The following LRBA variants were observed in gnomAD, a reference collection of about 807,000 sequenced individuals.
The protein encoded by LRBA is lipopolysaccharide-responsive and beige-like anchor protein.
In LRBA, 176 loss-of-function variants were observed where a neutral mutation model predicts 330.0. That is an observed-to-expected ratio of 0.53 (90% CI 0.47 to 0.60). The LOEUF is 0.60. Among genes scored for constraint, LRBA ranks in the 20% least tolerant of loss-of-function variants. The pLI, the probability that LRBA is intolerant of heterozygous loss-of-function variation, is 0.00. For missense variants in LRBA, 3,259 were observed against 3,444.8 expected (o/e 0.95, Z 1.35); for synonymous variants, 1,230 against 1,193.0 (o/e 1.03, Z -0.64).
intron 30 of LRBA, among the ~76,000 whole-genome samples, chr4:150,819,703 C>T (rs1745143220): frequency 6.6e-6 from 1 of 152,032 alleles, no homozygotes; most frequent in Non-Finnish European, 1.5e-5. Context: ...TACAGCTGTT[C>T]CAAATATGCA....
chr4:150,423,280 G>T (rs1189277540), intron 46 of LRBA: 16 of 885,442 alleles, frequency 1.8e-5, no homozygotes, highest in Non-Finnish European at 2.6e-5. Flanking sequence ...TCCTGTAGGG[G>T]TGTCTCCCTT....
intron 30 of LRBA, among the ~76,000 whole-genome samples, chr4:150,826,868 A>T (rs1746355641): frequency 6.6e-6 from 1 of 152,206 alleles, no homozygotes; most frequent in Non-Finnish European, 1.5e-5. Flanking sequence ...TATACCACTG[A>T]GGATCACTGT....
intron 53 of LRBA, among the ~76,000 whole-genome samples, chr4:150,299,633 A>G (rs1408937185): frequency 6.6e-6 from 1 of 152,008 alleles, no homozygotes; most frequent in Non-Finnish European, 1.5e-5. Context: ...TTTACATATA[A>G]CATCAATATT....
rs1261439146 is a variant in LRBA at position 150,828,530 on chromosome 4, A to G, written c.4821T>C (p.Ile1607=). 3 of 1,613,970 alleles carry G rather than the reference A, an allele frequency of 1.9e-6. No homozygotes were observed. Among genetic ancestry groups the G allele is most frequent in the Non-Finnish European group, 2.5e-6 (3 of 1,179,986 alleles). Residue 1607 remains isoleucine, a synonymous_variant, in exon 30 of 57, where the codon ATT becomes ATC. Transcript: ENST00000651943. ...TSSARRRDSG[I]GEETATGLGS... ...CTAAACCAGTGGCTGTTTCTTCCCC[A>G]ATGCCTGAGTCCCTCCTTCGAGCAG... is the stretch of plus-strand genomic sequence containing the variant.
At chr4:150,435,021 T>C (rs190521315) in intron 46 of LRBA, among the ~76,000 whole-genome samples, 19 of 151,944 alleles carry the variant, frequency 1.3e-4, no homozygotes, top group Admixed American at 2.6e-4. Flanking sequence ...GAAGGAGAGA[T>C]TCTGATAGAG....
intron 46 of LRBA, among the ~76,000 whole-genome samples, chr4:150,422,449 GAAC>G (rs1039638122): frequency 6.6e-5 from 10 of 151,674 alleles, no homozygotes; most frequent in Non-Finnish European, 1.0e-4. Context: ...AGAAAAGGAA[GAAC>G]AACAACAACA....
At chr4:150,887,041 G>A (rs1369942349) in intron 17 of LRBA, among the ~76,000 whole-genome samples, 1 of 152,086 alleles carries the variant, frequency 6.6e-6, no homozygotes, top group Non-Finnish European at 1.5e-5. Flanking sequence ...TAACTACCCT[G>A]ATTTGAATAT....
intron 46 of LRBA, among the ~76,000 whole-genome samples, chr4:150,425,702 T>C (rs1027382000): frequency 1.6e-4 from 25 of 152,148 alleles, no homozygotes; most frequent in African/African-American, 6.0e-4. Context: ...CACTTCAATA[T>C]ATTGGGGCAA....
At position 150,346,757 on chromosome 4, in the gene LRBA, CAAAAAAAAAAAAAAAA is replaced by C. The variant is rs57119340; in HGVS notation, c.7362+3219_7362+3234del. 1.2e-4 allele frequency among the ~76,000 whole-genome samples: 8 copies of C among 66,152 alleles called. No homozygotes were observed. The South Asian group carries it at 3.2e-3, about 27-fold the overall frequency. 43.4% of individuals were successfully genotyped at this position (66,152 alleles called of 152,430 possible). ...CTGGCAACAATGTGAGACTCTGTCT[CAAAAAAAAAAAAAAAA>C]AAAAAAAAAAAAAACACTTATTTGT... On this transcript the variant is annotated intron_variant, in intron 48 of 56. Coordinates refer to ENST00000651943, the MANE Select transcript of LRBA (RefSeq NM_001364905.1).
chr4:150,805,702 G>A (rs1397263949), intron 33 of LRBA, among the ~76,000 whole-genome samples: 1 of 151,520 alleles, frequency 6.6e-6, no homozygotes, highest in Non-Finnish European at 1.5e-5. Context: ...AGGAGAAGGA[G>A]AAGGAAAGGA....
chr4:150,519,360 T>A (rs1762682987), intron 40 of LRBA, among the ~76,000 whole-genome samples: 1 of 152,160 alleles, frequency 6.6e-6, no homozygotes, highest in Non-Finnish European at 1.5e-5. Context: ...GTTGCTCACA[T>A]CTCTTCACTG....
intron 40 of LRBA, among the ~76,000 whole-genome samples, chr4:150,506,968 C>T (rs1033354069): frequency 1.3e-5 from 2 of 151,656 alleles, no homozygotes; most frequent in African/African-American, 2.4e-5. Context: ...GAGTGAACTC[C>T]CATTCACAAT....
rs569525854 is a variant in LRBA at position 150,460,152 on chromosome 4, C to T, written c.6780+7521G>A. Among the ~76,000 whole-genome samples, 13 of 151,790 alleles carry T rather than the reference C, an allele frequency of 8.6e-5. No homozygotes were observed. In the East Asian group the frequency reaches 2.5e-3, roughly 29 times the overall value. ...AAGGACTGGCATTCATCAGAAACAGCACTTAAAACTTAAAGAGATAAAGAA... is the reference window on the plus strand; with the variant it reads ...AAGGACTGGCATTCATCAGAAACAGTACTTAAAACTTAAAGAGATAAAGAA... On this transcript the variant is annotated intron_variant, in intron 44 of 56. Transcript: ENST00000651943.
intron 37 of LRBA, among the ~76,000 whole-genome samples, chr4:150,669,046 C>A (rs1781820517): frequency 6.6e-6 from 1 of 152,132 alleles, no homozygotes; most frequent in African/African-American, 2.4e-5. Context: ...GATTCTCAAT[C>A]CTGGCTGCAA....
chr4:150,693,801 T>C (rs1216529185), intron 36 of LRBA, among the ~76,000 whole-genome samples: 1 of 152,052 alleles, frequency 6.6e-6, no homozygotes, highest in Non-Finnish European at 1.5e-5. Context: ...TTTCTAAAGT[T>C]AGGTTTTCAG....
At chr4:150,808,447 G>T (rs1743123052) in intron 31 of LRBA, 49 bp from the exon 32 acceptor site, 2 of 1,031,346 alleles carry the variant, frequency 1.9e-6, no homozygotes, top group Non-Finnish European at 1.5e-6. Flanking sequence ...TTTTAGATAT[G>T]AAGATTTAAA....
chr4:150,658,559 C>G (rs1360765312), intron 37 of LRBA, among the ~76,000 whole-genome samples: 1 of 44 alleles, frequency 0.023, no homozygotes, highest in Non-Finnish European at 0.083. Flanking sequence ...CTCCCTCTCC[C>G]TCTCCCTCTC....
intron 47 of LRBA, among the ~76,000 whole-genome samples, chr4:150,410,952 G>A (rs1411268329): frequency 1.3e-5 from 2 of 152,080 alleles, no homozygotes; most frequent in Non-Finnish European, 2.9e-5. Context: ...GACAGATGAT[G>A]GGCATTCCGA....
At chr4:150,822,743 C>T (rs1448475799) in intron 30 of LRBA, among the ~76,000 whole-genome samples, 1 of 152,096 alleles carries the variant, frequency 6.6e-6, no homozygotes, top group African/African-American at 2.4e-5. Context: ...CAGAGCAAGA[C>T]ACCGTCTCAA....
Sources: gnomAD v4.1 joint callset for allele counts (sites outside exome capture counted in the v4.1 genomes callset) on GRCh38, gnomAD v4.1.1 for gene constraint, MANE v1.5 for transcripts, NCBI Gene and HGNC (gene_info 2026-07-23, HGNC 2026-07-21) for gene names.